Variants in CBX6 observed in about 807,000 individuals in gnomAD.
CBX6 encodes chromobox 6, also known as chromobox protein homolog 6.
A neutral mutation model predicts 28.4 loss-of-function variants in CBX6; 7 were observed. That is an observed-to-expected ratio of 0.25 (90% CI 0.14 to 0.46). The LOEUF is 0.46. CBX6 is among the 20% of genes least tolerant of loss of function. The pLI is 0.99. For missense variants in CBX6, 512 were observed against 606.1 expected, an observed-to-expected ratio of 0.84 and a Z score of 1.63; for synonymous variants, 297 against 273.4, an observed-to-expected ratio of 1.09 and a Z score of -0.85.
Position 38,866,781 on chromosome 22 carries a change from G to C in CBX6, c.667C>G (p.Gln223Glu). The C allele has an allele frequency of 1.2e-6, 2 of 1,612,452 alleles. No homozygotes were observed. Among genetic ancestry groups the C allele is most frequent in the Non-Finnish European group, 1.7e-6 (2 of 1,179,398 alleles). ...GCGCCGAACTTCATGTGGCGGATCT[G>C]TGTACGCAGGACGCTCTCGCTGAAC... ...KKFSESVLRT[Q>E]IRHMKFGAFA... The change falls in exon 5 of 5, where the codon CAG (glutamine) becomes GAG (glutamate). Residue 223 changes from glutamine (Q) to glutamate (E), a missense_variant. Transcript: ENST00000407418. This position sits in a 1 kb window ranked among gnomAD's most constrained non-coding sequence, Gnocchi z 7.5.
In CBX6 at chr22:38,866,510, AGCACCTCCGGCTCGC is replaced by A. The variant is rs774800060; in HGVS notation, c.923_937del (p.Arg308_Val312del). On this transcript the variant is annotated inframe_deletion, in exon 5 of 5. Coordinates refer to ENST00000407418, the MANE Select transcript of CBX6 (RefSeq NM_014292.5). The surrounding 1 kb of genome is among the most constrained non-coding windows in gnomAD (Gnocchi z 7.5). The stretch of plus-strand genomic sequence containing the variant: ...CGACTCGGGAGGGAGGGACAGGTCG[AGCACCTCCGGCTCGC>A]GCCAGCTGGGGGCGGATGGGCTCAC... The A allele has an allele frequency of 6.3e-6, 10 of 1,586,642 alleles. No individual in the cohort carries two copies. The highest frequency in any genetic ancestry group is 1.7e-4 in the Middle Eastern group (1 of 5,974).
At position 38,871,841 on chromosome 22, in the gene CBX6, C is replaced by G; in HGVS notation, c.113+61G>C. On this transcript the variant is annotated intron_variant, in intron 2 of 4. Transcript: ENST00000407418. This position sits in a 1 kb window ranked among gnomAD's most constrained non-coding sequence, Gnocchi z 5.6. ...CGAGAGCAAGAGCGCGCACCCCCAC[C>G]CCAGGCCCCGGTGCCCGCTGCCTCC... 1 of 1,565,242 alleles carries G rather than the reference C, an allele frequency of 6.4e-7. No individual in the cohort carries two copies. The highest frequency in any genetic ancestry group is 8.7e-7 in the Non-Finnish European group (1 of 1,152,870).
At chr22:38,867,909 T>C (rs562654265) in intron 4 of CBX6, among the ~76,000 whole-genome samples, 2 of 152,274 alleles carry the variant, frequency 1.3e-5, no homozygotes, top group African/African-American at 4.8e-5. Flanking sequence ...CAGACGTGAG[T>C]TTGGTGGGGA....
rs772736885 is a variant in CBX6, at chr22:38,866,342, A to C, written c.1106T>G (p.Val369Gly). ...GAGGTTGCTGGTGACATCGGTGACG[A>C]CCACATTGGAGCAGGGTGACATCTC... ...RPEMSPCSNVVVTDVTSNLLT... is the reference protein window; with the variant it reads ...RPEMSPCSNVGVTDVTSNLLT... The change falls in exon 5 of 5, where the codon GTC (valine) becomes GGC (glycine). Residue 369 changes from valine to glycine, a missense_variant. Physicochemically the swap from Val to Gly is moderately radical, Grantham distance 109 (BLOSUM62 -3). This residue lies in a region of CBX6 where 10 missense variants were observed against 30.9 expected (regional missense o/e 0.32). Transcript: ENST00000407418. This position sits in a 1 kb window ranked among gnomAD's most constrained non-coding sequence, Gnocchi z 7.5. The C allele has an allele frequency of 6.2e-7, 1 of 1,613,556 alleles. No homozygotes were observed. The highest frequency in any genetic ancestry group is 8.5e-7 in the Non-Finnish European group (1 of 1,179,904).
rs900080604 is a variant in CBX6, at chr22:38,862,256, C to T, written c.*3953G>A. 1 of 152,234 alleles carries T rather than the reference C, an allele frequency of 6.6e-6. No individual in the cohort carries two copies. The highest frequency in any genetic ancestry group is 1.5e-5 in the Non-Finnish European group (1 of 68,048). The allele number at this position is 152,234 out of a possible 1,614,324, so 9.4% of individuals were successfully genotyped here. On this transcript the variant is annotated 3_prime_UTR_variant, in exon 5 of 5. Coordinates refer to ENST00000407418, the MANE Select transcript of CBX6 (RefSeq NM_014292.5). ...TCTTTGGCCCCCACTAACCATCTCC[C>T]TATTTCTGCATCCTGGTGACCGTCA...
Position 38,864,224 on chromosome 22 carries a change from T to TC in CBX6, c.*1984_*1985insG, listed in dbSNP as rs2093164162. On this transcript the variant is annotated 3_prime_UTR_variant, in exon 5 of 5. Coordinates refer to ENST00000407418, the MANE Select transcript of CBX6 (RefSeq NM_014292.5). ...ATCCCACAATATTTTTTTCTATTTCTTTTTTTTTTCCTCTTTTTTTGTTTT... is the reference window on the plus strand; with the variant it reads ...ATCCCACAATATTTTTTTCTATTTCTCTTTTTTTTTCCTCTTTTTTTGTTTT... 1 of 113,638 alleles carries TC rather than the reference T, an allele frequency of 8.8e-6. No homozygotes were observed. Among genetic ancestry groups the TC allele is most frequent in the Admixed American group, 8.2e-5 (1 of 12,220 alleles). The allele number at this position is 113,638 out of a possible 1,614,324, so 7.0% of individuals were successfully genotyped here.
Position 38,871,523 on chromosome 22 carries a change from C to G in CBX6, c.203G>C (p.Gly68Ala). Reference sequence around the variant, plus strand: ...GGGTTTGGGTCCCCTCTTCTTGGGCCCATACAGCTCACGCTCCCTCTCCCT... The same window carrying G: ...GGGTTTGGGTCCCCTCTTCTTGGGCGCATACAGCTCACGCTCCCTCTCCCT... The part of the protein sequence containing the change: ...EQKERERELY[G>A]PKKRGPKPKT... Residue 68 changes from glycine to alanine, a missense_variant, in exon 4 of 5, where the codon GGG (glycine) becomes GCG (alanine). By Grantham distance (60) the Gly-to-Ala change is moderately conservative. Around this residue, in one of 7 missense-constraint regions of CBX6, gnomAD observed 20 missense variants for 70.3 expected, o/e 0.28. Transcript: ENST00000407418. The surrounding 1 kb of genome is among the most constrained non-coding windows in gnomAD (Gnocchi z 5.6). 6.2e-7 allele frequency: 1 copy of G among 1,613,660 alleles called. No individual in the cohort carries two copies. The highest frequency in any genetic ancestry group is 8.5e-7 in the Non-Finnish European group (1 of 1,179,844).
Position 38,865,612 on chromosome 22 carries a change from TG to T in CBX6, c.*596del. 1 of 153,354 alleles carries T rather than the reference TG, an allele frequency of 6.5e-6. No homozygotes were observed. 9.5% of individuals were successfully genotyped at this position (153,354 alleles called of 1,614,324 possible). ...GAGGGGGTTAGGAAAGAGCCAGGGC[TG>T]GGGCAGGGCATAGGGGGTCTACTTA... On this transcript the variant is annotated 3_prime_UTR_variant, in exon 5 of 5. Transcript: ENST00000407418.
rs772798557 is a variant in CBX6, at chr22:38,871,809, C to A, written c.114-52G>T. 1.3e-5 allele frequency: 20 copies of A among 1,592,670 alleles called. No homozygotes were observed. The highest frequency in any genetic ancestry group is 1.7e-4 in the Middle Eastern group (1 of 5,992). On this transcript the variant is annotated intron_variant, in intron 2 of 4. Coordinates refer to ENST00000407418, the MANE Select transcript of CBX6 (RefSeq NM_014292.5). The surrounding 1 kb of genome is among the most constrained non-coding windows in gnomAD (Gnocchi z 5.6). ...AGGATGAAGACCAGAGAGGGACAGG[C>A]ACGCGGCGAGAGCAAGAGCGCGCAC...
Position 38,866,965 on chromosome 22 carries a change from G to A in CBX6, c.483C>T (p.Asn161=). 2 of 1,609,428 alleles carry A rather than the reference G, an allele frequency of 1.2e-6. No individual in the cohort carries two copies. The highest frequency in any genetic ancestry group is 1.7e-6 in the Non-Finnish European group (2 of 1,178,538). ...TGGGCTCCCGCGGCTTCACCTTGCG[G>A]TTGATGATGCGCACCGTCTCCGAGA... ...SPFSETVRII[N]RKVKPREPKR... is the part of the protein sequence containing the mutation. Residue 161 remains asparagine (N), a synonymous_variant, in exon 5 of 5, where the codon AAC becomes AAT. Transcript: ENST00000407418. This position sits in a 1 kb window ranked among gnomAD's most constrained non-coding sequence, Gnocchi z 7.5.
In CBX6 at chr22:38,863,100, A is replaced by AC. The variant is rs928384091; in HGVS notation, c.*3108dup. On this transcript the variant is annotated 3_prime_UTR_variant, in exon 5 of 5. Transcript: ENST00000407418. ...GGGGGCCCCAGTACCAGCAACCTTG[A>AC]CCCCCCACCTGGTACTGGGCAGCTG... 2 of 151,830 alleles carry AC rather than the reference A, an allele frequency of 1.3e-5. No individual in the cohort carries two copies. Among genetic ancestry groups the AC allele is most frequent in the African/African-American group, 4.8e-5 (2 of 41,306 alleles). 9.4% of individuals were successfully genotyped at this position (151,830 alleles called of 1,614,324 possible). A position where few individuals can be genotyped will look rare whatever the true frequency, so the allele number is the denominator to read the frequency against.
At chr22:38,867,228 G>GGGGGGGGCC in intron 4 of CBX6, 27 bp from the exon 5 acceptor site, 15 of 518,830 alleles carry the variant, frequency 2.9e-5, no homozygotes, top group East Asian at 9.9e-5. Context: ...GGGTGGGTGG[G>GGGGGGGGCC]ACCTCAGGAC....
intron 4 of CBX6, among the ~76,000 whole-genome samples, chr22:38,868,143 G>C (rs1413131471): frequency 6.6e-6 from 1 of 152,204 alleles, no homozygotes; most frequent in Non-Finnish European, 1.5e-5. Flanking sequence ...ACTAAATGGA[G>C]AGAGGCTAAG....
chr22:38,869,390 G>C (rs1375229433), intron 4 of CBX6, among the ~76,000 whole-genome samples: 1 of 151,818 alleles, frequency 6.6e-6, no homozygotes, highest in African/African-American at 2.4e-5. Context: ...GGCCTACTAC[G>C]GGCACTCCTA....
rs376530095 is a variant in CBX6, at chr22:38,870,657, G to A, written c.246+823C>T. 2 of 152,350 alleles carry A rather than the reference G, an allele frequency of 1.3e-5. No individual in the cohort carries two copies. Among genetic ancestry groups the A allele is most frequent in the Non-Finnish European group, 2.9e-5 (2 of 68,028 alleles). The allele number at this position is 152,350 out of a possible 1,614,324, so 9.4% of individuals were successfully genotyped here. A position where few individuals can be genotyped will look rare whatever the true frequency, so the allele number is the denominator to read the frequency against. The stretch of plus-strand genomic sequence containing the variant: ...GCTGTCGGGTGGGAGGGGGCCCTGA[G>A]GCATCCGTAGCACTACAGGAAGACA... On this transcript the variant is annotated intron_variant, in intron 4 of 4. Transcript: ENST00000407418. This position sits in a 1 kb window ranked among gnomAD's most constrained non-coding sequence, Gnocchi z 4.3.
At position 38,870,511 on chromosome 22, in the gene CBX6, G is replaced by C. The variant is rs1343696904; in HGVS notation, c.246+969C>G. On this transcript the variant is annotated intron_variant, in intron 4 of 4. Transcript: ENST00000407418. The surrounding 1 kb of genome is among the most constrained non-coding windows in gnomAD (Gnocchi z 4.3). ...GCATCAGGGTTAAGGTTACTCCCTG[G>C]ATCCCCTAGGATGTGCGTCGCTTGA... 6.6e-6 allele frequency: 1 copy of C among 152,214 alleles called. No homozygotes were observed. The highest frequency in any genetic ancestry group is 1.5e-5 in the Non-Finnish European group (1 of 68,028). The allele number at this position is 152,214 out of a possible 1,614,324, so 9.4% of individuals were successfully genotyped here.
Position 38,865,928 on chromosome 22 carries a change from AG to A in CBX6, c.*280del. On this transcript the variant is annotated 3_prime_UTR_variant, in exon 5 of 5. Transcript: ENST00000407418. ...GCTAGAGAGACAGGTGGGATGTGGA[AG>A]GGGCAGAGGAACCCTAGTTTCTAGG... 2.1e-6 allele frequency: 1 copy of A among 466,424 alleles called. No homozygotes were observed. Among genetic ancestry groups the A allele is most frequent in the Non-Finnish European group, 3.8e-6 (1 of 262,428 alleles). 28.9% of individuals were successfully genotyped at this position (466,424 alleles called of 1,614,324 possible).
In CBX6 at chr22:38,866,258, C is replaced by G; in HGVS notation, c.1190G>C (p.Gly397Ala). 6.2e-7 allele frequency: 1 copy of G among 1,613,634 alleles called. No individual in the cohort carries two copies. The highest frequency in any genetic ancestry group is 8.5e-7 in the Non-Finnish European group (1 of 1,179,858). The change falls in exon 5 of 5, where the codon GGG becomes GCG. Residue 397 changes from glycine to alanine, a missense_variant. Physicochemically the swap from Gly to Ala is moderately conservative, Grantham distance 60. Around this residue, in one of 7 missense-constraint regions of CBX6, gnomAD observed 33 missense variants for 35.3 expected, o/e 0.94. Transcript: ENST00000407418. This position sits in a 1 kb window ranked among gnomAD's most constrained non-coding sequence, Gnocchi z 7.5. ...NPEDFEKVAAGVAGAAGGGGS... is the reference protein window; with the variant it reads ...NPEDFEKVAAAVAGAAGGGGS... ...ACCGCCCCCAGCGGCGCCTGCTACCCCAGCAGCCACCTTCTCGAAATCCTC... is the reference window on the plus strand; with the variant it reads ...ACCGCCCCCAGCGGCGCCTGCTACCGCAGCAGCCACCTTCTCGAAATCCTC...
rs1220993625 is a variant in CBX6 at position 38,864,627 on chromosome 22, G to C, written c.*1582C>G. 1 of 152,482 alleles carries C rather than the reference G, an allele frequency of 6.6e-6. No individual in the cohort carries two copies. Among genetic ancestry groups the C allele is most frequent in the Non-Finnish European group, 1.5e-5 (1 of 68,090 alleles). 9.4% of individuals were successfully genotyped at this position (152,482 alleles called of 1,614,324 possible). On this transcript the variant is annotated 3_prime_UTR_variant, in exon 5 of 5. Coordinates refer to ENST00000407418, the MANE Select transcript of CBX6 (RefSeq NM_014292.5). The stretch of plus-strand genomic sequence containing the variant: ...GGGCTAGGGCCACGCTGTGGGCCCT[G>C]GCAGGGAGATTGGGAAGGAAGGCAG...
Sources: allele counts gnomAD v4.1 joint callset (sites outside exome capture counted in the v4.1 genomes callset), GRCh38; gene constraint gnomAD v4.1.1; regional missense constraint gnomAD v4.1.1; non-coding constraint Gnocchi (gnomAD v3.1); transcripts MANE v1.5; gene names NCBI Gene and HGNC (gene_info 2026-07-23, HGNC 2026-07-21).